DUSP22: variants seen among roughly 807,000 people sequenced by gnomAD.
The protein encoded by DUSP22 is dual specificity protein phosphatase 22.
Under a neutral mutation model 24.5 loss-of-function variants are expected in DUSP22, and 24 were observed. That is an observed-to-expected ratio of 0.98 (90% CI 0.71 to 1.38). The LOEUF is 1.38. Ranked by LOEUF, DUSP22 falls within the 40% of genes most tolerant of loss-of-function variation. The pLI, the probability that DUSP22 is intolerant of heterozygous loss-of-function variation, is 0.00. For synonymous variants in DUSP22, 160 were observed against 106.4 expected (o/e 1.50, Z -3.10); for missense variants, 330 against 269.2 (o/e 1.23, Z -1.58).
chr6:308,651 C>T (rs1379570871), intron 2 of DUSP22, among the ~76,000 whole-genome samples: 3 of 152,412 alleles, frequency 2.0e-5, no homozygotes, highest in Admixed American at 1.3e-4. Context: ...AAAAGATTCA[C>T]TCTGTATTAT....
chr6:294,538 A>T (rs1182333263), intron 1 of DUSP22, among the ~76,000 whole-genome samples: 1 of 152,302 alleles, frequency 6.6e-6, no homozygotes. Flanking sequence ...ATTTAACAAT[A>T]TATTAAAACT....
intron 4 of DUSP22, among the ~76,000 whole-genome samples, chr6:337,665 T>C (rs1759417932): frequency 1.3e-5 from 2 of 152,420 alleles, no homozygotes; most frequent in South Asian, 4.1e-4. Context: ...GCAGGTGCAA[T>C]TTTGTTACAT....
At chr6:339,532 G>A (rs1029789867) in intron 4 of DUSP22, among the ~76,000 whole-genome samples, 3 of 152,292 alleles carry the variant, frequency 2.0e-5, no homozygotes, top group Non-Finnish European at 2.9e-5. Context: ...ACATCATGAA[G>A]CAAGTAATTA....
chr6:342,217 T>G (rs2127418735), intron 4 of DUSP22, among the ~76,000 whole-genome samples: 1 of 152,420 alleles, frequency 6.6e-6, no homozygotes, highest in Admixed American at 6.5e-5. Context: ...TTTCATTTAC[T>G]CAGGCGGTCG....
chr6:298,326 A>G (rs1286972396), intron 1 of DUSP22, among the ~76,000 whole-genome samples: 1 of 152,298 alleles, frequency 6.6e-6, no homozygotes, highest in Admixed American at 6.5e-5. Context: ...TTTCCCCTTC[A>G]TGCCTGGCTT....
At chr6:326,558 C>T (rs1033400870) in intron 3 of DUSP22, among the ~76,000 whole-genome samples, 16 of 123,524 alleles carry the variant, frequency 1.3e-4, no homozygotes, top group Admixed American at 2.5e-4. Flanking sequence ...TCTGCTGGTG[C>T]CTGGAGAGTC....
chr6:344,261 G>C (rs1014917819), intron 4 of DUSP22, among the ~76,000 whole-genome samples: 1 of 151,076 alleles, frequency 6.6e-6, no homozygotes, highest in Middle Eastern at 3.2e-3. Flanking sequence ...ATTAAGGCAC[G>C]CGTCATCATT....
intron 3 of DUSP22, among the ~76,000 whole-genome samples, chr6:315,692 C>A (rs987796299): frequency 6.6e-6 from 1 of 152,308 alleles, no homozygotes; most frequent in Non-Finnish European, 1.5e-5. Flanking sequence ...CTGTTATTTG[C>A]TGCAAATACC....
intron 2 of DUSP22, among the ~76,000 whole-genome samples, chr6:306,806 C>A (rs568455273): frequency 6.6e-6 from 1 of 152,424 alleles, no homozygotes; most frequent in Non-Finnish European, 1.5e-5. Flanking sequence ...CTATCAGAGT[C>A]CAACAGCAGG....
At chr6:309,000 T>A (rs1757949131) in intron 2 of DUSP22, among the ~76,000 whole-genome samples, 2 of 152,304 alleles carry the variant, frequency 1.3e-5, no homozygotes, top group South Asian at 4.1e-4. Context: ...TCTGTTTCAC[T>A]GCTTTTCTAA....
chr6:329,734 G>T (rs1009050035), intron 3 of DUSP22, among the ~76,000 whole-genome samples: 1 of 152,306 alleles, frequency 6.6e-6, no homozygotes, highest in Non-Finnish European at 1.5e-5. Context: ...TTGCAGGCAT[G>T]AGCCACCATG....
At position 300,988 on chromosome 6, in the gene DUSP22, G is replaced by A. The variant is rs561252676; in HGVS notation, c.22-3640G>A. Among the ~76,000 whole-genome samples the A allele has an allele frequency of 1.0e-4, 16 of 152,416 alleles. No homozygotes were observed. In the East Asian group the frequency reaches 3.1e-3, roughly 29 times the overall value. On this transcript the variant is annotated intron_variant, in intron 1 of 6. Coordinates refer to ENST00000419235, the MANE Select transcript of DUSP22 (RefSeq NM_001286555.3). Reference sequence around the variant, plus strand: ...GGACACTGAATGTGCCACCAGCCCTGCTGCCTCTGTTGCCAAAGAGGACAC... The same window carrying A: ...GGACACTGAATGTGCCACCAGCCCTACTGCCTCTGTTGCCAAAGAGGACAC...
At chr6:301,440 G>T (rs768723009) in intron 1 of DUSP22, among the ~76,000 whole-genome samples, 2 of 152,302 alleles carry the variant, frequency 1.3e-5, no homozygotes, top group Non-Finnish European at 2.9e-5. Flanking sequence ...GCCAACCTGC[G>T]GAAGCCATGC....
rs1207234776 is a variant in DUSP22 at position 349,946 on chromosome 6, G to A, written c.*995G>A. 4.9e-5 allele frequency: 48 copies of A among 985,660 alleles called. No individual in the cohort carries two copies. Among genetic ancestry groups the A allele is most frequent in the Non-Finnish European group, 5.5e-5 (46 of 830,068 alleles). 61.1% of individuals were successfully genotyped at this position (985,660 alleles called of 1,614,324 possible). On this transcript the variant is annotated 3_prime_UTR_variant, in exon 7 of 7. Coordinates refer to ENST00000419235, the MANE Select transcript of DUSP22 (RefSeq NM_001286555.3). The stretch of plus-strand genomic sequence containing the variant: ...GCCTCTCGCTGTCCTCACTTTGCAG[G>A]GGCTCCTCCTCAACATTTGCATGCA...
At chr6:317,536 C>T (rs1758388649) in intron 3 of DUSP22, among the ~76,000 whole-genome samples, 1 of 152,310 alleles carries the variant, frequency 6.6e-6, no homozygotes, top group African/African-American at 2.4e-5. Context: ...CGTCAGGGTC[C>T]TCCGAGCTCA....
rs1307980540 is a variant in DUSP22 at position 350,057 on chromosome 6, G to A, written c.*1106G>A. ...TGCCTGAGCATTTATTAAGCTTCTTGGTATTCACTTGGGTTTGATAATTGA... is the reference window on the plus strand; with the variant it reads ...TGCCTGAGCATTTATTAAGCTTCTTAGTATTCACTTGGGTTTGATAATTGA... On this transcript the variant is annotated 3_prime_UTR_variant, in exon 7 of 7. Coordinates refer to ENST00000419235, the MANE Select transcript of DUSP22 (RefSeq NM_001286555.3). 1 of 985,538 alleles carries A rather than the reference G, an allele frequency of 1.0e-6. No homozygotes were observed. The highest frequency in any genetic ancestry group is 6.1e-5 in the Admixed American group (1 of 16,276). 61.0% of individuals were successfully genotyped at this position (985,538 alleles called of 1,614,324 possible).
chr6:292,670 G>C, intron 1 of DUSP22, 110 bp downstream of exon 1: 1 of 1,436,798 alleles, frequency 7.0e-7, no homozygotes, highest in Non-Finnish European at 9.2e-7. Context: ...TCCCGCGGTG[G>C]GGACGGGCGC....
intron 4 of DUSP22, among the ~76,000 whole-genome samples, chr6:343,975 A>C (rs1485588738): frequency 6.6e-6 from 1 of 152,310 alleles, no homozygotes; most frequent in Non-Finnish European, 1.5e-5. Flanking sequence ...TTTATAAGCC[A>C]TTCAAAGGTA....
At chr6:304,332 G>A (rs1757720821) in intron 1 of DUSP22, among the ~76,000 whole-genome samples, 1 of 152,308 alleles carries the variant, frequency 6.6e-6, no homozygotes, top group Non-Finnish European at 1.5e-5. Flanking sequence ...TGGGGCCAGG[G>A]TGGGCAGGCG....
Sources: allele counts gnomAD v4.1 joint callset (sites outside exome capture counted in the v4.1 genomes callset), GRCh38; gene constraint gnomAD v4.1.1; transcripts MANE v1.5; gene names NCBI Gene and HGNC (gene_info 2026-07-23, HGNC 2026-07-21).